INPP4B: variants seen among roughly 807,000 people sequenced by gnomAD.
INPP4B encodes the protein inositol polyphosphate 4-phosphatase type II.
Under a neutral mutation model 122.5 loss-of-function variants are expected in INPP4B, and 55 were observed. That is an observed-to-expected ratio of 0.45 (90% confidence interval 0.36 to 0.56). The LOEUF (loss-of-function observed/expected upper bound fraction) is 0.56. Ranked by LOEUF, INPP4B falls within the 20% of genes least tolerant of loss-of-function variation. The pLI is 0.00. For synonymous variants in INPP4B, 403 were observed against 388.7 expected (o/e 1.04, Z -0.43); for missense variants, 1,000 against 1,097.7 (o/e 0.91, Z 1.26).
chr4:142,199,213 T>A (rs1351808606), intron 14 of INPP4B, among the ~76,000 whole-genome samples: 1 of 151,970 alleles, frequency 6.6e-6, no homozygotes, highest in South Asian at 2.1e-4. Flanking sequence ...AAAATAAATA[T>A]ATAAATATTT....
intron 9 of INPP4B, among the ~76,000 whole-genome samples, chr4:142,274,945 C>A (rs1287574859): frequency 6.6e-6 from 1 of 151,698 alleles, no homozygotes; most frequent in African/African-American, 2.4e-5. Context: ...AATATTTAAC[C>A]ACAACAAAAA....
intron 1 of INPP4B, among the ~76,000 whole-genome samples, chr4:142,775,594 T>G (rs1773760970): frequency 6.7e-6 from 1 of 149,716 alleles, no homozygotes; most frequent in Non-Finnish European, 1.5e-5. Context: ...AGTCTGGTTT[T>G]GAACTCCTGG....
chr4:142,486,625 ATT>A lies in INPP4B; in HGVS notation c.-190-23901_-190-23900del, dbSNP rs151334140. Among the ~76,000 whole-genome samples, 763 of 152,234 alleles carry A rather than the reference ATT, an allele frequency of 5.0e-3. 6 individuals are homozygous for A. The highest frequency in any genetic ancestry group is 0.018 in the African/African-American group (729 of 41,554). On this transcript the variant is annotated intron_variant, in intron 2 of 25. Transcript: ENST00000262992. The stretch of plus-strand genomic sequence containing the variant: ...AAGTTTTTTATATATAGAAACTCTA[ATT>A]TATCAGTTTTCCACTTACGGTTTGT...
At chr4:142,703,930 A>C (rs551325227) in intron 2 of INPP4B, among the ~76,000 whole-genome samples, 2 of 152,320 alleles carry the variant, frequency 1.3e-5, no homozygotes, top group Admixed American at 1.3e-4. Context: ...GTGTGGAAGG[A>C]GATGGTGTAT....
intron 25 of INPP4B, among the ~76,000 whole-genome samples, chr4:142,041,750 C>T (rs3822129): frequency 0.1 from 15,624 of 152,066 alleles, 1,414 homozygotes; most frequent in East Asian, 0.26. Context: ...TATTGAAATG[C>T]CTCAGGATTC....
intron 1 of INPP4B, among the ~76,000 whole-genome samples, chr4:142,821,758 G>A (rs545305272): frequency 2.6e-5 from 4 of 152,234 alleles, no homozygotes; most frequent in Admixed American, 2.6e-4. Flanking sequence ...AACACAGGCT[G>A]GCAGGTAGTG....
intron 7 of INPP4B, among the ~76,000 whole-genome samples, chr4:142,331,992 T>C (rs1774709928): frequency 6.6e-6 from 1 of 152,154 alleles, no homozygotes; most frequent in African/African-American, 2.4e-5. Flanking sequence ...AGGGTTTCTG[T>C]GTTGAAGTCT....
At chr4:142,226,566 G>C (rs1851671276) in intron 12 of INPP4B, among the ~76,000 whole-genome samples, 1 of 152,126 alleles carries the variant, frequency 6.6e-6, no homozygotes, top group African/African-American at 2.4e-5. Flanking sequence ...TATCAAAGCT[G>C]TCTCCAGAAA....
At chr4:142,425,374 A>C (rs1045871647) in intron 5 of INPP4B, 6 of 152,082 alleles carry the variant, frequency 3.9e-5, no homozygotes, top group African/African-American at 1.4e-4. Flanking sequence ...TTGGGACTCC[A>C]GTAGCCCAGC....
At chr4:142,175,641 G>A (rs1299889742) in intron 15 of INPP4B, among the ~76,000 whole-genome samples, 1 of 152,018 alleles carries the variant, frequency 6.6e-6, no homozygotes, top group Non-Finnish European at 1.5e-5. Context: ...AAATTGCAAG[G>A]AGGGGAAAGG....
At position 142,665,371 on chromosome 4, in the gene INPP4B, G is replaced by A. The variant is rs1044371087; in HGVS notation, c.-191+60468C>T. On this transcript the variant is annotated intron_variant, in intron 2 of 25. Transcript: ENST00000262992. ...TAACCGGGCGTGGTGGCAGGCACCT[G>A]TAGTCCCAGCTACTCGGGAGGCTGA... is the stretch of plus-strand genomic sequence containing the variant. 2.0e-5 allele frequency among the ~76,000 whole-genome samples: 3 copies of A among 151,786 alleles called. No homozygotes were observed. In the East Asian group the frequency reaches 5.8e-4, roughly 30 times the overall value.
rs544168460 is a variant in INPP4B at position 142,023,169 on chromosome 4, A to C, written c.*5613T>G. ...GAAAAAGACAGAAACATAAAAAATAAAAATCATTTATTTAAACAAAAATAT... is the reference window on the plus strand; with the variant it reads ...GAAAAAGACAGAAACATAAAAAATACAAATCATTTATTTAAACAAAAATAT... On this transcript the variant is annotated 3_prime_UTR_variant, in exon 26 of 26. Transcript: ENST00000262992. 10 of 152,326 alleles carry C rather than the reference A, an allele frequency of 6.6e-5. No homozygotes were observed. In the East Asian group the frequency reaches 1.7e-3, roughly 26 times the overall value. The allele number at this position is 152,326 out of a possible 1,614,324, so 9.4% of individuals were successfully genotyped here. A position where few individuals can be genotyped will look rare whatever the true frequency, so the allele number is the denominator to read the frequency against.
intron 23 of INPP4B, among the ~76,000 whole-genome samples, chr4:142,103,248 C>G (rs1220521968): frequency 6.6e-6 from 1 of 152,032 alleles, no homozygotes; most frequent in Non-Finnish European, 1.5e-5. Flanking sequence ...TTGACTCAAT[C>G]TCCAATAATT....
chr4:142,485,642 C>G (rs1212524949), intron 2 of INPP4B, among the ~76,000 whole-genome samples: 1 of 152,046 alleles, frequency 6.6e-6, no homozygotes, highest in African/African-American at 2.4e-5. Context: ...AGATCCATTG[C>G]ACAAACTGGT....
chr4:142,120,286 C>T (rs925143180), intron 21 of INPP4B, among the ~76,000 whole-genome samples: 3 of 151,874 alleles, frequency 2.0e-5, no homozygotes, highest in South Asian at 2.1e-4. Flanking sequence ...TAAGTTTTTC[C>T]ACTTTGTTCT....
chr4:142,227,568 T>G (rs1016337277), intron 12 of INPP4B, among the ~76,000 whole-genome samples: 1 of 151,844 alleles, frequency 6.6e-6, no homozygotes, highest in African/African-American at 2.4e-5. Flanking sequence ...ATGAAAAATT[T>G]GAAAAAATTA....
At chr4:142,080,187 G>A (rs953469024) in intron 25 of INPP4B, among the ~76,000 whole-genome samples, 1 of 152,058 alleles carries the variant, frequency 6.6e-6, no homozygotes, top group Non-Finnish European at 1.5e-5. Flanking sequence ...TATGGGTAAT[G>A]TATGGCATAT....
chr4:142,742,892 T>C (rs1459780965), intron 1 of INPP4B, among the ~76,000 whole-genome samples: 1 of 151,998 alleles, frequency 6.6e-6, no homozygotes, highest in African/African-American at 2.4e-5. Flanking sequence ...TCAGTTATAA[T>C]ATCTTGCAAT....
At chr4:142,826,395 G>A (rs1022093244) in intron 1 of INPP4B, among the ~76,000 whole-genome samples, 3 of 151,954 alleles carry the variant, frequency 2.0e-5, no homozygotes, top group Admixed American at 1.3e-4. Context: ...CTTTAGATTT[G>A]CCCTTGCAGA....
Sources: gnomAD v4.1 joint callset for allele counts (sites outside exome capture counted in the v4.1 genomes callset) on GRCh38, gnomAD v4.1.1 for gene constraint, MANE v1.5 for transcripts, NCBI Gene and HGNC (gene_info 2026-07-23, HGNC 2026-07-21) for gene names.